The following WDHD1 variants were observed in gnomAD, a reference collection of about 807,000 sequenced individuals.
WDHD1 encodes the protein WD repeat and HMG-box DNA-binding protein 1.
A neutral mutation model predicts 135.4 loss-of-function variants in WDHD1; 111 were observed. That is an observed-to-expected ratio of 0.82 (90% CI 0.70 to 0.96). WDHD1 has a LOEUF of 0.96. Ranked by LOEUF, WDHD1 falls within the 40% of genes least tolerant of loss-of-function variation. The pLI, the probability that WDHD1 is intolerant of heterozygous loss-of-function variation, is 0.00. For synonymous variants in WDHD1, 434 were observed against 439.0 expected (o/e 0.99, Z 0.14); for missense variants, 1,351 against 1,336.3 (o/e 1.01, Z -0.17).
chr14:55,002,604 T>C (rs2041995267), intron 7 of WDHD1, among the ~76,000 whole-genome samples: 1 of 147,928 alleles, frequency 6.8e-6, no homozygotes. Flanking sequence ...ACTTTAAATA[T>C]GATTACTTTT....
intron 11 of WDHD1, among the ~76,000 whole-genome samples, chr14:54,991,982 G>A (rs966473488): frequency 5.3e-5 from 8 of 152,120 alleles, no homozygotes; most frequent in South Asian, 2.1e-4. Flanking sequence ...GGCCAGGCAC[G>A]GTGGCTCACA....
rs577327202 is a variant in WDHD1, at chr14:55,001,060, C to T, written c.694-68G>A. On this transcript the variant is annotated intron_variant, in intron 8 of 25. Coordinates refer to ENST00000360586, the MANE Select transcript of WDHD1 (RefSeq NM_007086.4). ...TCAAACTAAATACTCATTTTATTAC[C>T]AAATTCAATTTTCTTTTCATTTTTT... The T allele has an allele frequency of 5.8e-6, 6 of 1,030,138 alleles. No individual in the cohort carries two copies. The Admixed American group carries it at 1.5e-4, about 25-fold the overall frequency. 63.8% of individuals were successfully genotyped at this position (1,030,138 alleles called of 1,614,324 possible).
chr14:54,975,796 G>C (rs1355990991), intron 16 of WDHD1, among the ~76,000 whole-genome samples: 1 of 152,010 alleles, frequency 6.6e-6, no homozygotes, highest in African/African-American at 2.4e-5. Context: ...CTTTTAAGTA[G>C]CTGGTATTCA....
At chr14:54,965,598 G>A (rs1414650546) in intron 18 of WDHD1, among the ~76,000 whole-genome samples, 1 of 152,198 alleles carries the variant, frequency 6.6e-6, no homozygotes, top group East Asian at 1.9e-4. Flanking sequence ...ATGGGCAAAA[G>A]CAAAAGGGAA....
intron 16 of WDHD1, among the ~76,000 whole-genome samples, chr14:54,967,616 A>T (rs1020385315): frequency 6.6e-6 from 1 of 152,096 alleles, no homozygotes; most frequent in Non-Finnish European, 1.5e-5. Flanking sequence ...TCCTTCTCAC[A>T]TCTCACTTGA....
At chr14:54,985,565 A>G (rs111247838) in intron 14 of WDHD1, among the ~76,000 whole-genome samples, 6,513 of 152,282 alleles carry the variant, frequency 0.043, 178 homozygotes, top group African/African-American at 0.068. Context: ...CAGAAGTTTG[A>G]CTTTGATTCT....
chr14:54,986,431 G>T (rs1268909967), intron 14 of WDHD1, among the ~76,000 whole-genome samples: 1 of 152,112 alleles, frequency 6.6e-6, no homozygotes, highest in African/African-American at 2.4e-5. Flanking sequence ...GCCTCCCAAA[G>T]TGCTGAGATT....
chr14:54,955,493 AT>A, intron 24 of WDHD1, 67 bp downstream of exon 24: 1 of 1,378,572 alleles, frequency 7.3e-7, no homozygotes, highest in Non-Finnish European at 9.4e-7. Context: ...GCATTGCATA[AT>A]TTTGTATTGC....
At chr14:55,013,194 CA>C (rs71448422) in intron 3 of WDHD1, among the ~76,000 whole-genome samples, 97 of 82,318 alleles carry the variant, frequency 1.2e-3, no homozygotes, top group East Asian at 3.9e-3. Flanking sequence ...GATCCCGTTT[CA>C]AAAAAAAAAA....
At chr14:54,984,983 G>T in intron 14 of WDHD1, 123 bp from the exon 15 acceptor site, 1 of 1,227,038 alleles carries the variant, frequency 8.1e-7, no homozygotes, top group African/African-American at 1.6e-5. Flanking sequence ...TACTTTTTAT[G>T]AATAACCCAT....
chr14:54,957,001 G>A (rs1217541931), intron 23 of WDHD1, 33 bp downstream of exon 23: 1 of 1,601,254 alleles, frequency 6.2e-7, no homozygotes, highest in Non-Finnish European at 8.5e-7. Flanking sequence ...ATCCCATGCT[G>A]CTTACTGCAG....
At chr14:54,965,398 T>G (rs1327513138) in intron 18 of WDHD1, among the ~76,000 whole-genome samples, 2 of 152,200 alleles carry the variant, frequency 1.3e-5, no homozygotes. Context: ...AAATAAATTT[T>G]CATCACACAC....
At chr14:54,993,301 G>A (rs990324593) in intron 11 of WDHD1, among the ~76,000 whole-genome samples, 2 of 151,936 alleles carry the variant, frequency 1.3e-5, no homozygotes, top group African/African-American at 2.4e-5. Flanking sequence ...AAGTTTTTTT[G>A]TAGAGAGGAG....
intron 21 of WDHD1, 135 bp from the exon 22 acceptor site, chr14:54,957,770 C>A (rs1368733381): frequency 6.0e-6 from 4 of 667,770 alleles, no homozygotes; most frequent in Non-Finnish European, 9.9e-6. Context: ...AAACTATTAA[C>A]AACAGATATC....
intron 15 of WDHD1, among the ~76,000 whole-genome samples, chr14:54,982,979 A>G (rs1367121168): frequency 1.3e-5 from 2 of 151,958 alleles, no homozygotes; most frequent in Non-Finnish European, 2.9e-5. Flanking sequence ...AGCCTAGCCA[A>G]CATGACAAAA....
intron 7 of WDHD1, among the ~76,000 whole-genome samples, chr14:55,004,546 G>C (rs377731895): frequency 6.6e-6 from 1 of 152,046 alleles, no homozygotes; most frequent in Non-Finnish European, 1.5e-5. Flanking sequence ...TCCGCCTCCT[G>C]GGTTCAAGCA....
chr14:54,989,999 T>C (rs769691492), intron 12 of WDHD1, among the ~76,000 whole-genome samples: 10 of 152,250 alleles, frequency 6.6e-5, no homozygotes, highest in Non-Finnish European at 1.3e-4. Context: ...GGAAAACTTA[T>C]CTTCCACTGA....
At chr14:54,979,089 A>G (rs2041575472) in intron 16 of WDHD1, among the ~76,000 whole-genome samples, 1 of 152,170 alleles carries the variant, frequency 6.6e-6, no homozygotes. Context: ...CACCTAAGCT[A>G]AAAAATCCCT....
chr14:54,941,722 A>G (rs779273034), intron 25 of WDHD1, 32 bp from the exon 26 acceptor site: 33 of 1,551,388 alleles, frequency 2.1e-5, no homozygotes, highest in South Asian at 8.5e-5. Context: ...AAAAGGAAAG[A>G]TTTTTAGAAA....
Sources: gnomAD v4.1 joint callset for allele counts (sites outside exome capture counted in the v4.1 genomes callset) on GRCh38, gnomAD v4.1.1 for gene constraint, MANE v1.5 for transcripts, NCBI Gene and HGNC (gene_info 2026-07-23, HGNC 2026-07-21) for gene names.